Variants in HSPA8 observed in about 807,000 individuals in gnomAD.
HSPA8 encodes heat shock cognate 71 kDa protein.
Under a neutral mutation model 52.8 loss-of-function variants are expected in HSPA8, and 2 were observed. The observed-to-expected ratio is 0.04, with a 90% CI of 0.02 to 0.12. The LOEUF is 0.12. Ranked by LOEUF, HSPA8 falls within the 10% of genes least tolerant of loss-of-function variation. The probability of loss-of-function intolerance (pLI) is 1.00; values close to 1 mark genes in which losing one functional copy is unlikely to be tolerated. For synonymous variants in HSPA8, 436 were observed against 274.0 expected (o/e 1.59, Z -5.84); for missense variants, 349 against 800.5 (o/e 0.44, Z 6.81).
Position 123,060,044 on chromosome 11 carries a change from A to AT in HSPA8, c.565-17dup. 6.2e-7 allele frequency: 1 copy of AT among 1,614,096 alleles called. No homozygotes were observed. The highest frequency in any genetic ancestry group is 8.5e-7 in the Non-Finnish European group (1 of 1,179,964). On this transcript the variant is annotated splice_polypyrimidine_tract_variant and intron_variant, in intron 4 of 8. Transcript: ENST00000534624. ...CTGCTCCAACCTGCCGTTAAAAACA[A>AT]TCTCATTTAAATTTACGATGGATCA...
At chr11:123,060,065 G>T in intron 4 of HSPA8, 37 bp from the exon 5 acceptor site, 1 of 1,613,810 alleles carries the variant, frequency 6.2e-7, no homozygotes, top group Admixed American at 1.7e-5. Flanking sequence ...ATTTACGATG[G>T]ATCAAATTAA....
Position 123,058,248 on chromosome 11 carries a change from A to C in HSPA8, c.1755+4T>G. On this transcript the variant is annotated splice_donor_region_variant and intron_variant, in intron 8 of 8. Coordinates refer to ENST00000534624, the MANE Select transcript of HSPA8 (RefSeq NM_006597.6). Reference sequence around the variant, plus strand: ...GAGGAAAAAAAAAAAAAAAAAACACAAACCTGATTCTTATCAAGCCAGTTG... The same window carrying C: ...GAGGAAAAAAAAAAAAAAAAAACACCAACCTGATTCTTATCAAGCCAGTTG... 6.5e-7 allele frequency: 1 copy of C among 1,533,098 alleles called. No homozygotes were observed. The highest frequency in any genetic ancestry group is 2.3e-5 in the East Asian group (1 of 44,400). The allele number at this position is 1,533,098 out of a possible 1,614,324, so 95.0% of individuals were successfully genotyped here.
chr11:123,057,732 G>A lies in HSPA8; in HGVS notation c.*2C>T, dbSNP rs1185473462. 1.9e-6 allele frequency: 3 copies of A among 1,601,996 alleles called. No homozygotes were observed. In the African/African-American group the frequency reaches 4.0e-5, roughly 22 times the overall value. On this transcript the variant is annotated 3_prime_UTR_variant, in exon 9 of 9. Transcript: ENST00000534624. Reference sequence around the variant, plus strand: ...ACAATGCTACATCTACACTTGGTTGGCTTAATCAACCTCTTCAATGGTGGG... The same window carrying A: ...ACAATGCTACATCTACACTTGGTTGACTTAATCAACCTCTTCAATGGTGGG...
At chr11:123,058,576 T>C in intron 7 of HSPA8, 56 bp downstream of exon 7, 1 of 1,573,814 alleles carries the variant, frequency 6.4e-7, no homozygotes, top group African/African-American at 1.3e-5. Flanking sequence ...TAGGCACCAG[T>C]AACTCAATTG....
rs774627510 is a variant in HSPA8 at position 123,059,000 on chromosome 11, G to A, written c.1323+59C>T. 5.3e-6 allele frequency: 8 copies of A among 1,509,774 alleles called. No individual in the cohort carries two copies. In the African/African-American group the frequency reaches 5.5e-5, roughly 10 times the overall value. 93.5% of individuals were successfully genotyped at this position (1,509,774 alleles called of 1,614,324 possible). The stretch of plus-strand genomic sequence containing the variant: ...TGGAATCCATCATCATAGCGAGTCA[G>A]TCAAGACTTCCCTTTATCTGTTATC... On this transcript the variant is annotated intron_variant, in intron 6 of 8. Coordinates refer to ENST00000534624, the MANE Select transcript of HSPA8 (RefSeq NM_006597.6).
In HSPA8 at chr11:123,059,669, G is replaced by C; in HGVS notation, c.924C>G (p.Asp308Glu). 1 of 1,614,090 alleles carries C rather than the reference G, an allele frequency of 6.2e-7. No homozygotes were observed. ...CTGGGTCCAGGGTGCCACGGAACAGGTCAGCATTCAGTTCTTCAAATCGGG... is the reference window on the plus strand; with the variant it reads ...CTGGGTCCAGGGTGCCACGGAACAGCTCAGCATTCAGTTCTTCAAATCGGG... ...TRARFEELNA[D>E]LFRGTLDPVE... Residue 308 changes from aspartate (D) to glutamate (E), a missense_variant, in exon 5 of 9, where the codon GAC (aspartate) becomes GAG (glutamate). Asp to Glu is a conservative substitution (Grantham distance 45, BLOSUM62 2). Transcript: ENST00000534624.
In HSPA8 at chr11:123,060,814, A is replaced by G; in HGVS notation, c.206-16T>C. 6.3e-7 allele frequency: 1 copy of G among 1,596,862 alleles called. No individual in the cohort carries two copies. The highest frequency in any genetic ancestry group is 2.2e-5 in the East Asian group (1 of 44,762). Reference sequence around the variant, plus strand: ...CGTTTGGCATCTGTAAAAGGTGTCAAATGAAAACACTTTCAATTTCATAGC... The same window carrying G: ...CGTTTGGCATCTGTAAAAGGTGTCAGATGAAAACACTTTCAATTTCATAGC... On this transcript the variant is annotated splice_polypyrimidine_tract_variant and intron_variant, in intron 2 of 8. Transcript: ENST00000534624.
In HSPA8 at chr11:123,059,129, G is replaced by A; in HGVS notation, c.1253C>T (p.Thr418Ile). Residue 418 changes from threonine (T) to isoleucine (I), a missense_variant, in exon 6 of 9, where the codon ACC (threonine) becomes ATC (isoleucine). Transcript: ENST00000534624. Reference sequence around the variant, plus strand: ...CTGTGTCTGCTTGGTAGGAATGGTGGTATTACGCTTGATGAGGACAGTCAT... The same window carrying A: ...CTGTGTCTGCTTGGTAGGAATGGTGATATTACGCTTGATGAGGACAGTCAT... ...GVMTVLIKRNTTIPTKQTQTF... is the reference protein window; with the variant it reads ...GVMTVLIKRNITIPTKQTQTF... The A allele has an allele frequency of 1.2e-6, 2 of 1,612,122 alleles. No individual in the cohort carries two copies. Among genetic ancestry groups the A allele is most frequent in the Non-Finnish European group, 1.7e-6 (2 of 1,179,966 alleles).
At position 123,059,661 on chromosome 11, in the gene HSPA8, C is replaced by T. The variant is rs1565368268; in HGVS notation, c.932G>A (p.Arg311His). The change falls in exon 5 of 9, where the codon CGT (arginine) becomes CAT (histidine). Residue 311 changes from arginine (R) to histidine (H), a missense_variant. By Grantham distance (29) the Arg-to-His change is conservative. Transcript: ENST00000534624. ...TTTCTCTACTGGGTCCAGGGTGCCA[C>T]GGAACAGGTCAGCATTCAGTTCTTC... Reference protein sequence around the residue: ...RFEELNADLFRGTLDPVEKAL... With the variant: ...RFEELNADLFHGTLDPVEKAL... 1.2e-6 allele frequency: 2 copies of T among 1,613,990 alleles called. No individual in the cohort carries two copies. The highest frequency in any genetic ancestry group is 1.7e-5 in the Admixed American group (1 of 60,006).
In HSPA8 at chr11:123,058,632, C is replaced by T; in HGVS notation, c.1522G>A (p.Gly508Ser). ...ENKITITNDKGRLSKEDIERM... is the reference protein window; with the variant it reads ...ENKITITNDKSRLSKEDIERM... ...AGACCAGATGACAGTGCCTCCTTAC[C>T]CTTGTCATTAGTGATAGTAATCTTG... Residue 508 changes from glycine (G) to serine (S), a missense_variant and splice_region_variant, in exon 7 of 9, where the codon GGC becomes AGC. Coordinates refer to ENST00000534624, the MANE Select transcript of HSPA8 (RefSeq NM_006597.6). The T allele has an allele frequency of 6.2e-7, 1 of 1,611,650 alleles. No individual in the cohort carries two copies. Among genetic ancestry groups the T allele is most frequent in the Admixed American group, 1.7e-5 (1 of 60,006 alleles).
chr11:123,061,073 T>G, intron 2 of HSPA8, 47 bp downstream of exon 2: 1 of 1,530,720 alleles, frequency 6.5e-7, no homozygotes, highest in Non-Finnish European at 9.0e-7. Context: ...CTTTTGTGCT[T>G]CCTAGCCCTG....
intron 2 of HSPA8, 48 bp downstream of exon 2, chr11:123,061,072 T>C: frequency 6.6e-7 from 1 of 1,522,124 alleles, no homozygotes; most frequent in Non-Finnish European, 9.1e-7. Context: ...ACTTTTGTGC[T>C]TCCTAGCCCT....
At chr11:123,057,998 TAA>T in intron 8 of HSPA8, 79 bp from the exon 9 acceptor site, 2 of 1,206,060 alleles carry the variant, frequency 1.7e-6, no homozygotes, top group Admixed American at 2.3e-5. Flanking sequence ...AATCTGATAC[TAA>T]AAGTCTGGCG....
chr11:123,058,926 G>A (rs545075365), intron 6 of HSPA8, 96 bp from the exon 7 acceptor site: 6 of 1,397,672 alleles, frequency 4.3e-6, no homozygotes, highest in South Asian at 2.4e-5. Context: ...AACATCCAAG[G>A]AAGGAACTGG....
At chr11:123,058,040 A>C in intron 8 of HSPA8, 121 bp from the exon 9 acceptor site, 1 of 799,630 alleles carries the variant, frequency 1.3e-6, no homozygotes, top group South Asian at 1.8e-5. Flanking sequence ...CACTACCAAC[A>C]TTAAAATAGG....
chr11:123,061,530 T>G (rs1285943341), intron 1 of HSPA8: 1 of 595,538 alleles, frequency 1.7e-6, no homozygotes, highest in African/African-American at 1.9e-5. Flanking sequence ...GAGCACGCCC[T>G]AGATGAAGGA....
rs1591438530 is a variant in HSPA8, at chr11:123,060,268, T to G, written c.412A>C (p.Thr138Pro). ...KEIAEAYLGK[T>P]VTNAVVTVPA... ...ACTGTGACCACAGCATTGGTAACAGTCTAGGAATAAGGAAAAGACCACAGA... is the reference window on the plus strand; with the variant it reads ...ACTGTGACCACAGCATTGGTAACAGGCTAGGAATAAGGAAAAGACCACAGA... Residue 138 changes from threonine to proline, a missense_variant and splice_region_variant, in exon 4 of 9, where the codon ACT (threonine) becomes CCT (proline). By Grantham distance (38) the Thr-to-Pro change is conservative (BLOSUM62 -1). Transcript: ENST00000534624. 1 of 1,612,934 alleles carries G rather than the reference T, an allele frequency of 6.2e-7. No homozygotes were observed. The highest frequency in any genetic ancestry group is 8.5e-7 in the Non-Finnish European group (1 of 1,179,786).
intron 3 of HSPA8, 81 bp downstream of exon 3, chr11:123,060,512 T>TG: frequency 8.9e-7 from 1 of 1,126,054 alleles, no homozygotes; most frequent in African/African-American, 1.6e-5. Flanking sequence ...TTCCCCTCCC[T>TG]CGCCAGGTGC....
At position 123,057,663 on chromosome 11, in the gene HSPA8, A is replaced by G. The variant is rs547441737; in HGVS notation, c.*71T>C. 32 of 1,299,242 alleles carry G rather than the reference A, an allele frequency of 2.5e-5. No individual in the cohort carries two copies. The African/African-American group carries it at 4.3e-4, about 18-fold the overall frequency. The allele number at this position is 1,299,242 out of a possible 1,614,324, so 80.5% of individuals were successfully genotyped here. A position where few individuals can be genotyped will look rare whatever the true frequency, so the allele number is the denominator to read the frequency against. The stretch of plus-strand genomic sequence containing the variant: ...CTTAACTTTTTAAAACTGCCACAGA[A>G]TTTGCTACGAATTTAGGTCCTTCAA... On this transcript the variant is annotated 3_prime_UTR_variant, in exon 9 of 9. Coordinates refer to ENST00000534624, the MANE Select transcript of HSPA8 (RefSeq NM_006597.6).
Sources: allele counts gnomAD v4.1 joint callset, GRCh38; gene constraint gnomAD v4.1.1; transcripts MANE v1.5; gene names NCBI Gene and HGNC (gene_info 2026-07-23, HGNC 2026-07-21).